Variants in KIAA1549L observed in about 807,000 individuals in gnomAD.
KIAA1549L encodes the protein UPF0606 protein KIAA1549L.
In KIAA1549L, 88 loss-of-function variants were observed where a neutral mutation model predicts 160.7. The observed-to-expected ratio is 0.55, with a 90% confidence interval of 0.46 to 0.65. The LOEUF (loss-of-function observed/expected upper bound fraction) is 0.65. Among genes scored for constraint, KIAA1549L ranks in the 30% least tolerant of loss-of-function variants. The pLI is 0.00. For synonymous variants in KIAA1549L, 950 were observed against 976.7 expected (o/e 0.97, Z 0.51); for missense variants, 2,258 against 2,437.5 (o/e 0.93, Z 1.55).
At chr11:33,615,980 C>A (rs1850798117) in intron 15 of KIAA1549L, among the ~76,000 whole-genome samples, 1 of 152,170 alleles carries the variant, frequency 6.6e-6, no homozygotes, top group Admixed American at 6.5e-5. Flanking sequence ...GGTTGTGCTT[C>A]CCTAAAGGAA....
intron 15 of KIAA1549L, among the ~76,000 whole-genome samples, chr11:33,616,724 T>C (rs1475452950): frequency 3.3e-5 from 5 of 152,112 alleles, no homozygotes; most frequent in Admixed American, 6.5e-5. Flanking sequence ...TGTGTGTCTA[T>C]GAAAAAAAAT....
intron 16 of KIAA1549L, among the ~76,000 whole-genome samples, chr11:33,640,063 A>G (rs1271452628): frequency 2.0e-5 from 3 of 152,182 alleles, no homozygotes; most frequent in Non-Finnish European, 2.9e-5. Context: ...TTGTAATGTC[A>G]TTTTTAAAAA....
chr11:33,574,685 C>G lies in KIAA1549L; in HGVS notation c.4231-17C>G. 1 of 1,602,436 alleles carries G rather than the reference C, an allele frequency of 6.2e-7. No individual in the cohort carries two copies. The highest frequency in any genetic ancestry group is 8.5e-7 in the Non-Finnish European group (1 of 1,171,882). On this transcript the variant is annotated splice_polypyrimidine_tract_variant and intron_variant, in intron 9 of 20. Transcript: ENST00000658780. Reference sequence around the variant, plus strand: ...GCAAAATGCCCTGCAAACACTCGGCCTCTCTTTTTCCGAAAGATGGTGAAG... The same window carrying G: ...GCAAAATGCCCTGCAAACACTCGGCGTCTCTTTTTCCGAAAGATGGTGAAG...
intron 19 of KIAA1549L, among the ~76,000 whole-genome samples, chr11:33,659,137 CATTTTGCCAGACTTCAGTTCA>C (rs1466520415): frequency 6.6e-5 from 10 of 152,186 alleles, no homozygotes; most frequent in Non-Finnish European, 8.8e-5. Context: ...TGTATGTTAA[CATTTTGCCAGACTTCAGTTCA>C]ATTTTTTTGG....
intron 12 of KIAA1549L, among the ~76,000 whole-genome samples, chr11:33,596,773 A>C (rs1035550328): frequency 2.0e-5 from 3 of 151,912 alleles, no homozygotes; most frequent in African/African-American, 7.2e-5. Flanking sequence ...GTGAATGTGA[A>C]ATAGGTTATA....
chr11:33,403,301 G>GCAGACACACAGACACACGGA, intron 1 of KIAA1549L: 1 of 27,192 alleles, frequency 3.7e-5, no homozygotes, highest in African/African-American at 2.5e-4. Flanking sequence ...ACACACACAC[G>GCAGACACACAGACACACGGA]CATACACGGA....
At chr11:33,661,136 A>G (rs1267423113) in intron 20 of KIAA1549L, 122 bp downstream of exon 20, 11 of 999,086 alleles carry the variant, frequency 1.1e-5, no homozygotes, top group Non-Finnish European at 1.6e-5. Flanking sequence ...TACCCGGATG[A>G]CTAAAGTCAG....
intron 1 of KIAA1549L, among the ~76,000 whole-genome samples, chr11:33,495,115 AT>A (rs1426993178): frequency 6.6e-6 from 1 of 151,636 alleles, no homozygotes; most frequent in Non-Finnish European, 1.5e-5. Flanking sequence ...TAATGTTTGT[AT>A]TTTTTTATTT....
At chr11:33,471,694 A>G (rs925552771) in intron 1 of KIAA1549L, among the ~76,000 whole-genome samples, 1 of 152,198 alleles carries the variant, frequency 6.6e-6, no homozygotes, top group Non-Finnish European at 1.5e-5. Context: ...CCCTCCTGCT[A>G]AGAGAGAAAA....
At chr11:33,390,734 A>G (rs1341441453) in intron 1 of KIAA1549L, among the ~76,000 whole-genome samples, 3 of 152,198 alleles carry the variant, frequency 2.0e-5, no homozygotes, top group East Asian at 3.8e-4. Context: ...GTAAAAGACA[A>G]CTTCACATGT....
intron 6 of KIAA1549L, among the ~76,000 whole-genome samples, chr11:33,558,895 G>A (rs1854743441): frequency 6.7e-6 from 1 of 149,372 alleles, no homozygotes; most frequent in Non-Finnish European, 1.5e-5. Context: ...GTGCAGTGGT[G>A]CAATCTCGGC....
chr11:33,378,648 A>G (rs560427397), intron 1 of KIAA1549L, among the ~76,000 whole-genome samples: 6 of 152,062 alleles, frequency 3.9e-5, no homozygotes, highest in South Asian at 2.1e-4. Context: ...TGCTTCCTCT[A>G]TGCTTTTTGG....
chr11:33,518,891 G>A (rs1427420420), intron 1 of KIAA1549L, among the ~76,000 whole-genome samples: 2 of 152,106 alleles, frequency 1.3e-5, no homozygotes, highest in East Asian at 1.9e-4. Flanking sequence ...TACACTTATC[G>A]AGTATCCCAA....
At position 33,583,247 on chromosome 11, in the gene KIAA1549L, G is replaced by C. The variant is rs1855699744; in HGVS notation, c.4403-91G>C. 7 of 1,255,140 alleles carry C rather than the reference G, an allele frequency of 5.6e-6. No homozygotes were observed. In the African/African-American group the frequency reaches 5.9e-5, roughly 11 times the overall value. 77.8% of individuals were successfully genotyped at this position (1,255,140 alleles called of 1,614,324 possible). A position where few individuals can be genotyped will look rare whatever the true frequency, so the allele number is the denominator to read the frequency against. On this transcript the variant is annotated intron_variant, in intron 10 of 20. Transcript: ENST00000658780. ...TAACCTCCCACGTCCTTCTGTCCAG[G>C]ACTTGGGACTGGGGTGGGGGGTTAT...
chr11:33,551,856 A>G (rs1289370719), intron 5 of KIAA1549L, among the ~76,000 whole-genome samples: 2 of 152,146 alleles, frequency 1.3e-5, no homozygotes, highest in Non-Finnish European at 2.9e-5. Flanking sequence ...ACATATTCCA[A>G]TCAAATAAAA....
chr11:33,585,416 G>A (rs999259291), intron 11 of KIAA1549L, among the ~76,000 whole-genome samples: 25 of 152,136 alleles, frequency 1.6e-4, no homozygotes, highest in Non-Finnish European at 3.5e-4. Flanking sequence ...TACTCAGGAG[G>A]CTGAGGCAGG....
At chr11:33,595,631 A>G (rs1208419459) in intron 12 of KIAA1549L, among the ~76,000 whole-genome samples, 1 of 152,212 alleles carries the variant, frequency 6.6e-6, no homozygotes, top group African/African-American at 2.4e-5. Context: ...CCAGCTGACC[A>G]TGGGAGTCTC....
chr11:33,446,636 A>T (rs1851617722), intron 1 of KIAA1549L, among the ~76,000 whole-genome samples: 1 of 152,084 alleles, frequency 6.6e-6, no homozygotes, highest in African/African-American at 2.4e-5. Context: ...AGGACTGCAG[A>T]CATCTAAAGG....
At chr11:33,567,180 A>G (rs952337008) in intron 8 of KIAA1549L, among the ~76,000 whole-genome samples, 3 of 152,194 alleles carry the variant, frequency 2.0e-5, no homozygotes, top group Non-Finnish European at 4.4e-5. Flanking sequence ...TGCCCTGGCT[A>G]TAGATGAAGC....
Sources: allele counts gnomAD v4.1 joint callset (sites outside exome capture counted in the v4.1 genomes callset), GRCh38; gene constraint gnomAD v4.1.1; transcripts MANE v1.5; gene names NCBI Gene and HGNC (gene_info 2026-07-23, HGNC 2026-07-21).